NUP210L: variants seen among roughly 807,000 people sequenced by gnomAD.
NUP210L encodes nucleoporin 210 like.
Under a neutral mutation model 208.5 loss-of-function variants are expected in NUP210L, and 74 were observed. That is an observed-to-expected ratio of 0.35 (90% CI 0.29 to 0.43). The LOEUF (loss-of-function observed/expected upper bound fraction) is 0.43, where lower values mean the gene tolerates loss of function less well. Ranked by LOEUF, NUP210L falls within the 20% of genes least tolerant of loss-of-function variation. The pLI, the probability that NUP210L is intolerant of heterozygous loss-of-function variation, is 1.00. For missense variants in NUP210L, 1,843 were observed against 2,289.4 expected (o/e 0.81, Z 3.98); for synonymous variants, 780 against 816.9 (o/e 0.95, Z 0.77).
At chr1:154,098,365 C>G (rs1406948067) in intron 14 of NUP210L, among the ~76,000 whole-genome samples, 1 of 152,200 alleles carries the variant, frequency 6.6e-6, no homozygotes, top group Non-Finnish European at 1.5e-5. Flanking sequence ...TGTTTCAGCC[C>G]TGTTTGTGTT....
intron 16 of NUP210L, among the ~76,000 whole-genome samples, chr1:154,073,244 A>AT (rs1030129006): frequency 6.6e-6 from 1 of 152,110 alleles, no homozygotes; most frequent in Non-Finnish European, 1.5e-5. Context: ...TGCTGCAAGA[A>AT]TTTTTTTATT....
At chr1:154,125,636 A>C (rs1318528809) in intron 10 of NUP210L, among the ~76,000 whole-genome samples, 2 of 754 alleles carry the variant, frequency 2.7e-3, no homozygotes, top group Non-Finnish European at 5.7e-3. Flanking sequence ...GAAGGAAGGA[A>C]GGAAGGAAGG....
intron 22 of NUP210L, among the ~76,000 whole-genome samples, chr1:154,057,648 C>T (rs1487748953): frequency 1.3e-5 from 2 of 150,026 alleles, no homozygotes; most frequent in African/African-American, 2.5e-5. Context: ...ATATTAATGA[C>T]ATGTGACCTT....
intron 1 of NUP210L, among the ~76,000 whole-genome samples, chr1:154,154,612 C>A (rs925009583): frequency 6.6e-6 from 1 of 152,168 alleles, no homozygotes; most frequent in Non-Finnish European, 1.5e-5. Context: ...ATTCCTCACA[C>A]GTCTGGAAGA....
intron 15 of NUP210L, among the ~76,000 whole-genome samples, chr1:154,091,224 T>C (rs1279009972): frequency 6.6e-6 from 1 of 151,368 alleles, no homozygotes; most frequent in Non-Finnish European, 1.5e-5. Context: ...TCCTCCTGAG[T>C]AGCTAAGACT....
intron 14 of NUP210L, 145 bp downstream of exon 14, chr1:154,099,853 G>T: frequency 2.6e-6 from 2 of 755,592 alleles, no homozygotes; most frequent in Non-Finnish European, 2.2e-6. Flanking sequence ...GAGAGCTGTA[G>T]ATCTAAAAAC....
chr1:154,022,450 G>T, intron 31 of NUP210L, 107 bp from the exon 32 acceptor site: 1 of 840,048 alleles, frequency 1.2e-6, no homozygotes. Context: ...CAGAAGTTCA[G>T]AAGGAATTCC....
chr1:154,032,670 C>T (rs1481551504), intron 27 of NUP210L, among the ~76,000 whole-genome samples: 1 of 152,094 alleles, frequency 6.6e-6, no homozygotes, highest in African/African-American at 2.4e-5. Flanking sequence ...GTAATCCCAG[C>T]ACTTTGGGAG....
intron 17 of NUP210L, among the ~76,000 whole-genome samples, chr1:154,061,982 G>C (rs7544502): frequency 0.27 from 41,641 of 151,674 alleles, 6,005 homozygotes; most frequent in Admixed American, 0.38. Flanking sequence ...CGCGTGCCAC[G>C]ATGCCTGGCT....
chr1:154,046,070 T>C, exon 27 of NUP210L: 1 of 1,613,636 alleles, frequency 6.2e-7, no homozygotes, highest in Admixed American at 1.7e-5. Context: ...AATTCTTACC[T>C]CTGAATGCCT....
intron 5 of NUP210L, 118 bp downstream of exon 5, chr1:154,139,684 A>T: frequency 1.3e-6 from 1 of 780,238 alleles, no homozygotes. Context: ...ACAAACAAAC[A>T]AACAAAAAAA....
At chr1:154,001,683 T>C (rs1650220545) in intron 36 of NUP210L, 52 bp downstream of exon 36, 1 of 1,576,660 alleles carries the variant, frequency 6.3e-7, no homozygotes, top group Non-Finnish European at 8.7e-7. Flanking sequence ...ATGAAAACTA[T>C]CTTTTCAAAT....
At chr1:154,017,877 G>A (rs530422680) in intron 33 of NUP210L, among the ~76,000 whole-genome samples, 22 of 151,918 alleles carry the variant, frequency 1.4e-4, no homozygotes, top group Non-Finnish European at 2.7e-4. Flanking sequence ...TTTCCCTTTT[G>A]TTTCTTTCTT....
chr1:154,078,288 G>A (rs1040460874), intron 16 of NUP210L, among the ~76,000 whole-genome samples: 6 of 150,892 alleles, frequency 4.0e-5, no homozygotes, highest in Non-Finnish European at 8.8e-5. Context: ...GGAAAACAGA[G>A]GAAGATCCTA....
At chr1:154,077,591 T>C (rs1040920511) in intron 16 of NUP210L, among the ~76,000 whole-genome samples, 3 of 152,070 alleles carry the variant, frequency 2.0e-5, no homozygotes, top group Admixed American at 1.3e-4. Flanking sequence ...TGAATCACCA[T>C]GAAGAAATAA....
intron 27 of NUP210L, among the ~76,000 whole-genome samples, chr1:154,034,884 C>T (rs1389380000): frequency 2.7e-5 from 4 of 149,878 alleles, no homozygotes; most frequent in Non-Finnish European, 5.9e-5. Flanking sequence ...CTCTGTTGCC[C>T]AGGCTGGAGT....
chr1:154,002,276 C>T (rs924445571), intron 35 of NUP210L, among the ~76,000 whole-genome samples: 3 of 151,948 alleles, frequency 2.0e-5, no homozygotes, highest in South Asian at 2.1e-4. Flanking sequence ...AGCACAGTGG[C>T]GTGATCATGG....
intron 33 of NUP210L, among the ~76,000 whole-genome samples, chr1:154,017,819 T>C (rs1301123185): frequency 1.3e-5 from 2 of 152,052 alleles, no homozygotes; most frequent in Non-Finnish European, 2.9e-5. Flanking sequence ...CTAAGCCTGG[T>C]TGTTTCTTAT....
intron 32 of NUP210L, 105 bp downstream of exon 32, chr1:154,022,021 C>T (rs1300600605): frequency 6.8e-6 from 7 of 1,035,102 alleles, no homozygotes; most frequent in Non-Finnish European, 1.0e-5. Flanking sequence ...GGGTATAAAC[C>T]ACTATACCAG....
Sources: allele counts gnomAD v4.1 joint callset (sites outside exome capture counted in the v4.1 genomes callset), GRCh38; gene constraint gnomAD v4.1.1; transcripts MANE v1.5; gene names NCBI Gene and HGNC (gene_info 2026-07-23, HGNC 2026-07-21).